Variants in WDR64 observed in about 807,000 individuals in gnomAD.
The protein encoded by WDR64 is WD repeat domain 64.
Under a neutral mutation model 139.3 loss-of-function variants are expected in WDR64, and 112 were observed. The observed-to-expected ratio is 0.80, with a 90% CI of 0.69 to 0.94. The LOEUF (loss-of-function observed/expected upper bound fraction) is 0.94, where lower values mean the gene tolerates loss of function less well. Ranked by LOEUF, WDR64 falls within the 40% of genes least tolerant of loss-of-function variation. The probability of loss-of-function intolerance (pLI) is 0.00; values close to 1 mark genes in which losing one functional copy is unlikely to be tolerated. For synonymous variants in WDR64, 444 were observed against 437.7 expected, an observed-to-expected ratio of 1.01 and a Z score of -0.18; for missense variants, 1,206 against 1,293.1, an observed-to-expected ratio of 0.93 and a Z score of 1.03.
intron 3 of WDR64, among the ~76,000 whole-genome samples, chr1:241,673,237 G>A (rs1666308579): frequency 6.6e-6 from 1 of 151,650 alleles, no homozygotes; most frequent in Non-Finnish European, 1.5e-5. Flanking sequence ...GCTAAATGAC[G>A]AGTTAATGGG....
chr1:241,697,034 A>G (rs180788308), intron 8 of WDR64, among the ~76,000 whole-genome samples: 291 of 152,134 alleles, frequency 1.9e-3, no homozygotes, highest in Admixed American at 3.4e-3. Flanking sequence ...CCTAGACCCC[A>G]GGTTATTCAT....
intron 8 of WDR64, among the ~76,000 whole-genome samples, chr1:241,704,616 T>C (rs1202500050): frequency 1.3e-5 from 2 of 152,186 alleles, no homozygotes; most frequent in African/African-American, 4.8e-5. Context: ...CCTATCATTA[T>C]TTTTTATAGG....
chr1:241,687,316 A>AT, intron 7 of WDR64, 145 bp from the exon 8 acceptor site: 1 of 983,318 alleles, frequency 1.0e-6, no homozygotes, highest in Non-Finnish European at 1.5e-6. Context: ...AAAAAAAAAA[A>AT]AAAAAGGTGT....
At position 241,795,326 on chromosome 1, in the gene WDR64, A is replaced by T. The variant is rs374786649; in HGVS notation, c.3078+39A>T. The stretch of plus-strand genomic sequence containing the variant: ...TCTAGGAGTAGAGGGGTCACAGAAC[A>T]GTAGAGAATCTGCCATCTCATTCCT... On this transcript the variant is annotated intron_variant, in intron 26 of 27. Coordinates refer to ENST00000437684, the MANE Select transcript of WDR64 (RefSeq NM_001367482.1). 244 of 1,555,794 alleles carry T rather than the reference A, an allele frequency of 1.6e-4. 4 individuals carry two copies. The South Asian group carries it at 2.6e-3, about 17-fold the overall frequency.
intron 10 of WDR64, among the ~76,000 whole-genome samples, chr1:241,731,980 T>C (rs1163343598): frequency 6.6e-6 from 1 of 152,188 alleles, no homozygotes. Flanking sequence ...CATTTGTATG[T>C]AGTACTATGT....
intron 21 of WDR64, among the ~76,000 whole-genome samples, chr1:241,778,161 A>G (rs940735353): frequency 9.9e-5 from 15 of 152,144 alleles, no homozygotes; most frequent in Non-Finnish European, 1.5e-4. Flanking sequence ...TTGCTGTCCT[A>G]TAAGTATTTT....
At chr1:241,661,745 G>A (rs966773166) in intron 2 of WDR64, among the ~76,000 whole-genome samples, 6 of 152,150 alleles carry the variant, frequency 3.9e-5, no homozygotes, top group Non-Finnish European at 8.8e-5. Flanking sequence ...AGCCAGAAAC[G>A]TACTTCATTT....
intron 18 of WDR64, among the ~76,000 whole-genome samples, chr1:241,771,156 G>A (rs1174179286): frequency 6.6e-6 from 1 of 152,186 alleles, no homozygotes; most frequent in Non-Finnish European, 1.5e-5. Flanking sequence ...AGTTAGAACT[G>A]TGTTTGAAGG....
In WDR64 at chr1:241,772,878, C is replaced by T. The variant is rs370446468; in HGVS notation, c.2377C>T (p.Pro793Ser). The change falls in exon 20 of 28, where the codon CCT becomes TCT. Residue 793 changes from proline (P) to serine (S), a missense_variant. Coordinates refer to ENST00000437684, the MANE Select transcript of WDR64 (RefSeq NM_001367482.1). ...GIANLPEAQPPILVTAHEDGH... is the reference protein window; with the variant it reads ...GIANLPEAQPSILVTAHEDGH... Reference sequence around the variant, plus strand: ...TGCCAATTTACCAGAAGCCCAGCCACCTATCCTTGTCACTGCTCATGAGGA... The same window carrying T: ...TGCCAATTTACCAGAAGCCCAGCCATCTATCCTTGTCACTGCTCATGAGGA... 7.1e-6 allele frequency: 11 copies of T among 1,551,870 alleles called. No individual in the cohort carries two copies. Among genetic ancestry groups the T allele is most frequent in the African/African-American group, 2.7e-5 (2 of 73,030 alleles).
At chr1:241,726,786 T>C (rs1389099604) in intron 10 of WDR64, among the ~76,000 whole-genome samples, 1 of 152,208 alleles carries the variant, frequency 6.6e-6, no homozygotes, top group Non-Finnish European at 1.5e-5. Context: ...CAAGATGTTT[T>C]AGTGAGGCTA....
At chr1:241,674,265 T>TC (rs888158984) in intron 3 of WDR64, among the ~76,000 whole-genome samples, 4 of 143,080 alleles carry the variant, frequency 2.8e-5, no homozygotes, top group Non-Finnish European at 6.1e-5. Context: ...TCTTTTCTTT[T>TC]TTTTTTTTTT....
chr1:241,681,471 G>A (rs929418365), intron 6 of WDR64, among the ~76,000 whole-genome samples: 1 of 152,162 alleles, frequency 6.6e-6, no homozygotes, highest in Admixed American at 6.5e-5. Context: ...TTATGGCTAA[G>A]TAGTATTCCA....
chr1:241,677,246 A>C (rs113642182), intron 4 of WDR64: 1 of 397,900 alleles, frequency 2.5e-6, no homozygotes, highest in African/African-American at 2.1e-5. Flanking sequence ...ACTTCCATTA[A>C]AGATATATAT....
chr1:241,800,817 T>C (rs887752509), intron 27 of WDR64, among the ~76,000 whole-genome samples: 6 of 152,176 alleles, frequency 3.9e-5, no homozygotes, highest in African/African-American at 7.2e-5. Flanking sequence ...TATTAATTAT[T>C]AATTAACCAA....
intron 13 of WDR64, among the ~76,000 whole-genome samples, chr1:241,745,364 G>T (rs55698010): frequency 7.3e-6 from 1 of 136,430 alleles, no homozygotes; most frequent in Non-Finnish European, 1.6e-5. Context: ...CCTTCACGTG[G>T]ATCGGTTCTT....
At chr1:241,702,587 T>C (rs995370108) in intron 8 of WDR64, among the ~76,000 whole-genome samples, 1 of 152,028 alleles carries the variant, frequency 6.6e-6, no homozygotes, top group Non-Finnish European at 1.5e-5. Flanking sequence ...GATTAGTTTG[T>C]GCACTGGTTT....
intron 21 of WDR64, among the ~76,000 whole-genome samples, chr1:241,776,661 T>C (rs1194860550): frequency 6.6e-6 from 1 of 152,204 alleles, no homozygotes; most frequent in Non-Finnish European, 1.5e-5. Flanking sequence ...AGAAAACTTG[T>C]AGAGAAAGTT....
intron 1 of WDR64, among the ~76,000 whole-genome samples, chr1:241,655,123 G>A (rs543425446): frequency 7.2e-5 from 11 of 152,274 alleles, no homozygotes; most frequent in Admixed American, 2.6e-4. Flanking sequence ...GGTGGCTCAC[G>A]CCTATAATCT....
At chr1:241,711,236 C>CAAAAA (rs34264828) in intron 8 of WDR64, among the ~76,000 whole-genome samples, 1 of 139,238 alleles carries the variant, frequency 7.2e-6, no homozygotes. Context: ...GACCTTGTCT[C>CAAAAA]AAAAAAAAAA....
Sources: allele counts gnomAD v4.1 joint callset (sites outside exome capture counted in the v4.1 genomes callset), GRCh38; gene constraint gnomAD v4.1.1; transcripts MANE v1.5; gene names NCBI Gene and HGNC (gene_info 2026-07-23, HGNC 2026-07-21).